The following TAOK1 variants were observed in gnomAD, a reference collection of about 807,000 sequenced individuals.
TAOK1 encodes serine/threonine-protein kinase TAO1.
TAOK1 carries 21 observed loss-of-function variants against 138.3 expected under a neutral mutation model. The ratio of observed to expected loss-of-function variants is 0.15; its 90% CI spans 0.11 to 0.22. The LOEUF is 0.22. Ranked by LOEUF, TAOK1 falls within the 10% of genes least tolerant of loss-of-function variation. The pLI is 1.00. For missense variants in TAOK1, 651 were observed against 1,227.7 expected, an observed-to-expected ratio of 0.53 and a Z score of 7.02; for synonymous variants, 361 against 398.4, an observed-to-expected ratio of 0.91 and a Z score of 1.12.
rs1308440780 is a variant in TAOK1 at position 29,522,402 on chromosome 17, G to T, written c.2031G>T (p.Leu677Phe). Residue 677 changes from leucine (L) to phenylalanine (F), a missense_variant, in exon 17 of 20, where the codon TTG becomes TTT. Around this residue, in one of 8 missense-constraint regions of TAOK1, gnomAD observed 258 missense variants for 548.9 expected, o/e 0.47. Transcript: ENST00000261716. Reference protein sequence around the residue: ...LNTIQKMRCELIRLQHQTELT... With the variant: ...LNTIQKMRCEFIRLQHQTELT... The stretch of plus-strand genomic sequence containing the variant: ...CAATTCAGAAGATGCGCTGTGAGTT[G>T]ATCAGATTACAGCATCAAACTGAGC... 6.2e-7 allele frequency: 1 copy of T among 1,614,162 alleles called. No individual in the cohort carries two copies. Among genetic ancestry groups the T allele is most frequent in the South Asian group, 1.1e-5 (1 of 91,072 alleles).
intron 19 of TAOK1, among the ~76,000 whole-genome samples, chr17:29,539,246 G>C (rs940427781): frequency 6.6e-6 from 1 of 152,122 alleles, no homozygotes; most frequent in African/African-American, 2.4e-5. Context: ...CTGGGCAACA[G>C]ACCAGACCCT....
At chr17:29,406,906 G>A (rs1905007280) in intron 1 of TAOK1, among the ~76,000 whole-genome samples, 1 of 152,102 alleles carries the variant, frequency 6.6e-6, no homozygotes, top group Non-Finnish European at 1.5e-5. Flanking sequence ...TATAATTAAT[G>A]CAGCAAAGTG....
intron 12 of TAOK1, among the ~76,000 whole-genome samples, chr17:29,501,947 G>A (rs751343797): frequency 1.8e-4 from 28 of 152,158 alleles, no homozygotes; most frequent in Non-Finnish European, 2.9e-4. Context: ...TGAGGTGGGA[G>A]GATCGCTAGA....
chr17:29,460,684 A>G (rs2030510452), intron 2 of TAOK1, among the ~76,000 whole-genome samples: 1 of 152,224 alleles, frequency 6.6e-6, no homozygotes, highest in Admixed American at 6.5e-5. Context: ...GAAATATTTT[A>G]TTTCCATTTG....
At chr17:29,500,030 A>G (rs1373346877) in intron 12 of TAOK1, among the ~76,000 whole-genome samples, 1 of 152,188 alleles carries the variant, frequency 6.6e-6, no homozygotes, top group African/African-American at 2.4e-5. Context: ...CAGGAATGCT[A>G]AGGCTGGGAG....
In TAOK1 at chr17:29,550,823, G is replaced by C. The variant is rs1237585225; in HGVS notation, c.*7801G>C. The C allele has an allele frequency of 6.6e-6, 1 of 152,446 alleles. No homozygotes were observed. The highest frequency in any genetic ancestry group is 1.5e-5 in the Non-Finnish European group (1 of 67,992). The allele number at this position is 152,446 out of a possible 1,614,324, so 9.4% of individuals were successfully genotyped here. A position where few individuals can be genotyped will look rare whatever the true frequency, so the allele number is the denominator to read the frequency against. Reference sequence around the variant, plus strand: ...ACATGTAGAAATTTTTTAAAAGAAAGAAATTAGTACATCATTTTCTCTGGA... The same window carrying C: ...ACATGTAGAAATTTTTTAAAAGAAACAAATTAGTACATCATTTTCTCTGGA... On this transcript the variant is annotated 3_prime_UTR_variant, in exon 20 of 20. Transcript: ENST00000261716.
intron 1 of TAOK1, among the ~76,000 whole-genome samples, chr17:29,401,839 C>T (rs922150576): frequency 6.6e-6 from 1 of 151,932 alleles, no homozygotes; most frequent in Non-Finnish European, 1.5e-5. Flanking sequence ...TTGTTTGAGA[C>T]GGGGTTTCGC....
intron 16 of TAOK1, among the ~76,000 whole-genome samples, chr17:29,521,478 G>A (rs2031915547): frequency 1.3e-5 from 2 of 152,198 alleles, no homozygotes; most frequent in African/African-American, 4.8e-5. Flanking sequence ...ATGCATTTGA[G>A]AAATGATGAA....
intron 17 of TAOK1, among the ~76,000 whole-genome samples, chr17:29,526,241 C>T (rs1165883662): frequency 1.3e-5 from 2 of 151,900 alleles, no homozygotes; most frequent in African/African-American, 2.4e-5. Context: ...GCCAAGATCG[C>T]GCCATTCCAC....
Position 29,468,135 on chromosome 17 carries a change from A to ATTTTTTTTTTTTTTTTTTTTTTTTT in TAOK1, c.204+936_204+937insTTTTTTTTTTTTTTTTTTTTTTTTT, listed in dbSNP as rs761962930. On this transcript the variant is annotated intron_variant, in intron 3 of 19. Transcript: ENST00000261716. Reference sequence around the variant, plus strand: ...AACCACTGTGCTTGGCCTGCTTTCAATTTTTTTTTTTTTTTTTAGGAGCTG... The same window carrying ATTTTTTTTTTTTTTTTTTTTTTTTT: ...AACCACTGTGCTTGGCCTGCTTTCAATTTTTTTTTTTTTTTTTTTTTTTTTTTTTTTTTTTTTTTTTTAGGAGCTG... 2.3e-3 allele frequency among the ~76,000 whole-genome samples: 172 copies of ATTTTTTTTTTTTTTTTTTTTTTTTT among 76,032 alleles called. 47 individuals carry two copies. Among genetic ancestry groups the ATTTTTTTTTTTTTTTTTTTTTTTTT allele is most frequent in the East Asian group, 7.3e-3 (11 of 1,498 alleles). 49.9% of individuals were successfully genotyped at this position (76,032 alleles called of 152,430 possible). A position where few individuals can be genotyped will look rare whatever the true frequency, so the allele number is the denominator to read the frequency against.
At chr17:29,405,281 C>A (rs1348593539) in intron 1 of TAOK1, among the ~76,000 whole-genome samples, 1 of 152,150 alleles carries the variant, frequency 6.6e-6, no homozygotes, top group Non-Finnish European at 1.5e-5. Flanking sequence ...AGCCACCTTG[C>A]CCTGCTGAAA....
chr17:29,551,319 G>T lies in TAOK1; in HGVS notation c.*8297G>T, dbSNP rs900126183. 6.6e-6 allele frequency: 1 copy of T among 152,056 alleles called. No homozygotes were observed. The highest frequency in any genetic ancestry group is 1.5e-5 in the Non-Finnish European group (1 of 68,002). 9.4% of individuals were successfully genotyped at this position (152,056 alleles called of 1,614,324 possible). On this transcript the variant is annotated 3_prime_UTR_variant, in exon 20 of 20. Transcript: ENST00000261716. ...ATGATTTTGCAAGACCTAGATTTTG[G>T]CTTGGTTTCTTGCCTCCTTTTTTGG...
chr17:29,548,290 T>TAA lies in TAOK1; in HGVS notation c.*5269_*5270insAA, dbSNP rs2032434728. On this transcript the variant is annotated 3_prime_UTR_variant, in exon 20 of 20. Coordinates refer to ENST00000261716, the MANE Select transcript of TAOK1 (RefSeq NM_020791.4). Reference sequence around the variant, plus strand: ...CTTGCACTTCCTACCCACCCAAAGATAGATATCCTTTAAAGAAAATAAAGG... The same window carrying TAA: ...CTTGCACTTCCTACCCACCCAAAGATAAAGATATCCTTTAAAGAAAATAAAGG... 1 of 152,056 alleles carries TAA rather than the reference T, an allele frequency of 6.6e-6. No individual in the cohort carries two copies. Among genetic ancestry groups the TAA allele is most frequent in the African/African-American group, 2.4e-5 (1 of 41,434 alleles). 9.4% of individuals were successfully genotyped at this position (152,056 alleles called of 1,614,324 possible). A position where few individuals can be genotyped will look rare whatever the true frequency, so the allele number is the denominator to read the frequency against.
In TAOK1 at chr17:29,551,005, A is replaced by C. The variant is rs548557605; in HGVS notation, c.*7983A>C. ...GCTTCAGTCAATTGCTTTTTTATTT[A>C]AAAAAAAAAAGAAAAAAAGCTGTAA... is the stretch of plus-strand genomic sequence containing the variant. On this transcript the variant is annotated 3_prime_UTR_variant, in exon 20 of 20. Transcript: ENST00000261716. 1.7e-5 allele frequency: 2 copies of C among 118,866 alleles called. No individual in the cohort carries two copies. Among genetic ancestry groups the C allele is most frequent in the African/African-American group, 5.5e-5 (2 of 36,496 alleles). 7.4% of individuals were successfully genotyped at this position (118,866 alleles called of 1,614,324 possible).
intron 1 of TAOK1, among the ~76,000 whole-genome samples, chr17:29,416,281 A>G (rs1427725149): frequency 6.6e-6 from 1 of 152,042 alleles, no homozygotes; most frequent in Non-Finnish European, 1.5e-5. Context: ...AAAAAAGATT[A>G]TGTATAGGGA....
intron 1 of TAOK1, among the ~76,000 whole-genome samples, chr17:29,409,331 A>ATTTTTT (rs1186189891): frequency 8.3e-5 from 5 of 60,300 alleles, no homozygotes; most frequent in African/African-American, 2.3e-4. Context: ...ATATATATAT[A>ATTTTTT]TATTTTTTTT....
In TAOK1 at chr17:29,475,612, A is replaced by C. The variant is rs563594248; in HGVS notation, c.205-58A>C. 6.6e-5 allele frequency: 77 copies of C among 1,159,046 alleles called. 1 individual carries two copies. The South Asian group carries it at 9.9e-4, about 15-fold the overall frequency. 71.8% of individuals were successfully genotyped at this position (1,159,046 alleles called of 1,614,324 possible). On this transcript the variant is annotated intron_variant, in intron 3 of 19. Transcript: ENST00000261716. ...AAATTTAGTAATTACTTTTATTCTTATATAACTTTCTGAGGAAAAGTCCTG... is the reference window on the plus strand; with the variant it reads ...AAATTTAGTAATTACTTTTATTCTTCTATAACTTTCTGAGGAAAAGTCCTG...
At chr17:29,447,626 A>C (rs1164694168) in intron 1 of TAOK1, among the ~76,000 whole-genome samples, 1 of 151,006 alleles carries the variant, frequency 6.6e-6, no homozygotes, top group Non-Finnish European at 1.5e-5. Context: ...GGTGCAAGCT[A>C]CCTCACCCGG....
chr17:29,425,449 C>T (rs898758596), intron 1 of TAOK1, among the ~76,000 whole-genome samples: 3 of 152,070 alleles, frequency 2.0e-5, no homozygotes, highest in African/African-American at 4.8e-5. Flanking sequence ...GAGGCCGAGC[C>T]GGGTGGACAG....
Sources: gnomAD v4.1 joint callset for allele counts (sites outside exome capture counted in the v4.1 genomes callset) on GRCh38, gnomAD v4.1.1 for gene constraint, gnomAD v4.1.1 regional missense constraint, MANE v1.5 for transcripts, NCBI Gene and HGNC (gene_info 2026-07-23, HGNC 2026-07-21) for gene names.